ANKS1B: variants seen among roughly 807,000 people sequenced by gnomAD.
The protein encoded by ANKS1B is ankyrin repeat and sterile alpha motif domain-containing protein 1B.
ANKS1B carries 36 observed loss-of-function variants against 148.3 expected under a neutral mutation model. The ratio of observed to expected loss-of-function variants is 0.24; its 90% CI spans 0.19 to 0.32. The LOEUF (loss-of-function observed/expected upper bound fraction) is 0.32, where lower values mean the gene tolerates loss of function less well. Among genes scored for constraint, ANKS1B ranks in the 10% least tolerant of loss-of-function variants. The pLI, the probability that ANKS1B is intolerant of heterozygous loss-of-function variation, is 1.00. For synonymous variants in ANKS1B, 542 were observed against 560.8 expected (o/e 0.97, Z 0.47); for missense variants, 1,157 against 1,542.6 (o/e 0.75, Z 4.19).
intron 17 of ANKS1B, among the ~76,000 whole-genome samples, chr12:99,036,440 T>C (rs2099955631): frequency 6.6e-6 from 1 of 152,224 alleles, no homozygotes; most frequent in Non-Finnish European, 1.5e-5. Context: ...ACACACACTT[T>C]TCCTCATTTA....
chr12:99,681,439 C>T (rs896432202), intron 8 of ANKS1B, among the ~76,000 whole-genome samples: 2 of 152,210 alleles, frequency 1.3e-5, no homozygotes, highest in Non-Finnish European at 2.9e-5. Context: ...GTCCACTTCA[C>T]CCCTCTGCTA....
intron 14 of ANKS1B, among the ~76,000 whole-genome samples, chr12:99,221,929 T>G (rs193076604): frequency 1.1e-4 from 16 of 152,300 alleles, no homozygotes; most frequent in Admixed American, 9.2e-4. Context: ...GATAGGGAGA[T>G]AGTTAAATAA....
intron 10 of ANKS1B, among the ~76,000 whole-genome samples, chr12:99,499,301 C>T (rs1567218854): frequency 6.6e-6 from 1 of 152,104 alleles, no homozygotes; most frequent in Non-Finnish European, 1.5e-5. Flanking sequence ...ATGAATTAAG[C>T]CTGGGTCAAC....
At chr12:99,584,493 G>A (rs2097605747) in intron 9 of ANKS1B, among the ~76,000 whole-genome samples, 1 of 152,018 alleles carries the variant, frequency 6.6e-6, no homozygotes, top group East Asian at 1.9e-4. Context: ...CAACTACTGG[G>A]AGGCTGAGTT....
intron 9 of ANKS1B, among the ~76,000 whole-genome samples, chr12:99,593,891 C>T (rs1181712617): frequency 2.0e-5 from 3 of 151,864 alleles, no homozygotes; most frequent in Admixed American, 6.6e-5. Context: ...TAGTCTTTTT[C>T]AGTTTACAAA....
chr12:98,840,551 A>C (rs1295988359), intron 17 of ANKS1B, among the ~76,000 whole-genome samples: 1 of 152,144 alleles, frequency 6.6e-6, no homozygotes, highest in African/African-American at 2.4e-5. Flanking sequence ...AGGAAATACT[A>C]ATTATGAGGA....
chr12:99,932,279 T>A (rs2094639420), intron 1 of ANKS1B, among the ~76,000 whole-genome samples: 2 of 152,214 alleles, frequency 1.3e-5, no homozygotes, highest in Admixed American at 1.3e-4. Context: ...CTTTTGGGCA[T>A]ATACTTAGCA....
At chr12:99,441,632 T>C (rs775954927) in intron 11 of ANKS1B, among the ~76,000 whole-genome samples, 2 of 152,060 alleles carry the variant, frequency 1.3e-5, no homozygotes, top group South Asian at 4.1e-4. Flanking sequence ...GCTGCATTGG[T>C]TCTAATTTAA....
At chr12:98,981,567 C>T (rs1290566250) in intron 17 of ANKS1B, among the ~76,000 whole-genome samples, 4 of 152,130 alleles carry the variant, frequency 2.6e-5, no homozygotes, top group Non-Finnish European at 5.9e-5. Context: ...AACTCCTGAC[C>T]TCAGGTGACC....
chr12:99,342,156 G>A (rs1258114441), intron 12 of ANKS1B, among the ~76,000 whole-genome samples: 1 of 151,988 alleles, frequency 6.6e-6, no homozygotes, highest in East Asian at 1.9e-4. Context: ...GAGTTATCAG[G>A]TGAAAAAGTA....
At chr12:99,658,748 T>C (rs1297646449) in intron 8 of ANKS1B, among the ~76,000 whole-genome samples, 1 of 152,146 alleles carries the variant, frequency 6.6e-6, no homozygotes, top group South Asian at 2.1e-4. Context: ...ATTAATTGCT[T>C]GACAGAGACT....
chr12:99,315,421 T>G (rs1299336890), intron 12 of ANKS1B, among the ~76,000 whole-genome samples: 2 of 152,180 alleles, frequency 1.3e-5, no homozygotes, highest in African/African-American at 4.8e-5. Flanking sequence ...CAGACAGTGC[T>G]CAAAAGAAGA....
intron 14 of ANKS1B, among the ~76,000 whole-genome samples, chr12:99,196,747 T>C (rs923054649): frequency 3.9e-5 from 6 of 152,082 alleles, no homozygotes; most frequent in African/African-American, 7.2e-5. Flanking sequence ...TAGCATTAGG[T>C]ATATCTCCTA....
intron 17 of ANKS1B, chr12:98,954,336 A>G (rs1397730018): frequency 6.6e-6 from 1 of 152,118 alleles, no homozygotes; most frequent in East Asian, 1.9e-4. Context: ...TTCTTTTTCT[A>G]TTTAAAGGAG....
rs539420663 is a variant in ANKS1B, at chr12:98,781,351, A to G, written c.3355-148T>C. 101 of 684,172 alleles carry G rather than the reference A, an allele frequency of 1.5e-4. No individual in the cohort carries two copies. In the East Asian group the frequency reaches 2.8e-3, roughly 19 times the overall value. The allele number at this position is 684,172 out of a possible 1,614,324, so 42.4% of individuals were successfully genotyped here. On this transcript the variant is annotated intron_variant, in intron 23 of 26. Transcript: ENST00000683438. ...ACACACACACACACACATCAGATAC[A>G]CACCACGCACACTCTAATTTTAATG...
intron 11 of ANKS1B, among the ~76,000 whole-genome samples, chr12:99,409,632 C>G (rs193229333): frequency 6.6e-6 from 1 of 151,694 alleles, no homozygotes; most frequent in South Asian, 2.1e-4. Context: ...ATATATATAC[C>G]TACTATGTAC....
At chr12:99,149,153 C>T (rs2074144124) in intron 15 of ANKS1B, among the ~76,000 whole-genome samples, 1 of 151,994 alleles carries the variant, frequency 6.6e-6, no homozygotes, top group Non-Finnish European at 1.5e-5. Context: ...TCACAATATG[C>T]TACTAAGATA....
At chr12:98,813,023 C>T (rs2099110267) in intron 19 of ANKS1B, among the ~76,000 whole-genome samples, 1 of 152,046 alleles carries the variant, frequency 6.6e-6, no homozygotes, top group Non-Finnish European at 1.5e-5. Flanking sequence ...ATACTGAGTG[C>T]TGGAATTAAT....
chr12:98,883,099 A>G (rs558160759), intron 17 of ANKS1B, among the ~76,000 whole-genome samples: 1 of 152,336 alleles, frequency 6.6e-6, no homozygotes, highest in African/African-American at 2.4e-5. Context: ...GTTTAAATAC[A>G]ATAAAACTGT....
Sources: gnomAD v4.1 joint callset for allele counts (sites outside exome capture counted in the v4.1 genomes callset) on GRCh38, gnomAD v4.1.1 for gene constraint, MANE v1.5 for transcripts, NCBI Gene and HGNC (gene_info 2026-07-23, HGNC 2026-07-21) for gene names.